The following SGCZ variants were observed in gnomAD, a reference collection of about 807,000 sequenced individuals.
SGCZ encodes the protein zeta-sarcoglycan.
SGCZ carries 40 observed loss-of-function variants against 41.3 expected under a neutral mutation model. The observed-to-expected ratio is 0.97, with a 90% CI of 0.75 to 1.26. The LOEUF (loss-of-function observed/expected upper bound fraction) is 1.26. SGCZ is among the 50% of genes most tolerant of loss of function. The pLI, the probability that SGCZ is intolerant of heterozygous loss-of-function variation, is 0.00. For missense variants in SGCZ, 552 were observed against 369.8 expected (o/e 1.49, Z -4.04); for synonymous variants, 206 against 137.5 (o/e 1.50, Z -3.49).
chr8:15,171,099 G>C (rs550078834), intron 1 of SGCZ, among the ~76,000 whole-genome samples: 1 of 152,206 alleles, frequency 6.6e-6, no homozygotes, highest in African/African-American at 2.4e-5. Flanking sequence ...CTAGACAAAA[G>C]ATAACAAGAA....
At chr8:14,843,646 T>G (rs147577644) in intron 1 of SGCZ, among the ~76,000 whole-genome samples, 1 of 152,138 alleles carries the variant, frequency 6.6e-6, no homozygotes, top group South Asian at 2.1e-4. Flanking sequence ...ACATGATTTA[T>G]AGACACACAT....
intron 1 of SGCZ, among the ~76,000 whole-genome samples, chr8:14,883,141 A>C (rs1370736564): frequency 6.6e-6 from 1 of 151,856 alleles, no homozygotes; most frequent in African/African-American, 2.4e-5. Context: ...CTCATTTCAT[A>C]TCTTACTTTA....
At chr8:14,582,919 T>C (rs1199640944) in intron 1 of SGCZ, among the ~76,000 whole-genome samples, 1 of 151,968 alleles carries the variant, frequency 6.6e-6, no homozygotes, top group Admixed American at 6.5e-5. Flanking sequence ...TGTTGGACAT[T>C]TGGGTTGGTT....
intron 1 of SGCZ, among the ~76,000 whole-genome samples, chr8:14,699,907 C>A (rs1434246677): frequency 6.6e-6 from 1 of 151,922 alleles, no homozygotes; most frequent in African/African-American, 2.4e-5. Context: ...CAGTGAGATA[C>A]CACCTCACAC....
At chr8:14,505,850 T>A (rs977012102) in intron 2 of SGCZ, among the ~76,000 whole-genome samples, 2 of 152,136 alleles carry the variant, frequency 1.3e-5, no homozygotes, top group Non-Finnish European at 2.9e-5. Flanking sequence ...GTATACTTAA[T>A]AAATCAGAAA....
chr8:14,540,444 T>C (rs982544870), intron 2 of SGCZ, among the ~76,000 whole-genome samples: 1 of 151,702 alleles, frequency 6.6e-6, no homozygotes, highest in Non-Finnish European at 1.5e-5. Context: ...AAATTTATAT[T>C]CTAGACTGGA....
chr8:14,700,264 A>G (rs1483300761), intron 1 of SGCZ, among the ~76,000 whole-genome samples: 1 of 152,060 alleles, frequency 6.6e-6, no homozygotes, highest in Non-Finnish European at 1.5e-5. Context: ...ATCATAGGAT[A>G]CTACACAGCC....
chr8:14,933,452 G>C (rs1345636768), intron 1 of SGCZ, among the ~76,000 whole-genome samples: 1 of 119,582 alleles, frequency 8.4e-6, no homozygotes. Context: ...TTTTTTTGGA[G>C]ACGGAGTCTC....
At chr8:14,895,677 A>T (rs1306980205) in intron 1 of SGCZ, among the ~76,000 whole-genome samples, 1 of 152,220 alleles carries the variant, frequency 6.6e-6, no homozygotes. Flanking sequence ...TTTAACTTCT[A>T]CTAAAATATT....
intron 2 of SGCZ, among the ~76,000 whole-genome samples, chr8:14,509,464 T>A (rs1802405709): frequency 6.6e-6 from 1 of 152,138 alleles, no homozygotes; most frequent in African/African-American, 2.4e-5. Context: ...CCAGAAAAAA[T>A]ATGATGTGCC....
intron 2 of SGCZ, among the ~76,000 whole-genome samples, chr8:14,529,399 T>C (rs545693217): frequency 2.0e-4 from 30 of 152,284 alleles, no homozygotes; most frequent in African/African-American, 6.7e-4. Flanking sequence ...GGGGCTGGCA[T>C]GCGTGATCAG....
intron 1 of SGCZ, among the ~76,000 whole-genome samples, chr8:15,106,578 T>G (rs1010260937): frequency 1.3e-5 from 2 of 152,160 alleles, no homozygotes; most frequent in Non-Finnish European, 1.5e-5. Context: ...AGACTTCTAA[T>G]TTTTATGATT....
At position 14,522,383 on chromosome 8, in the gene SGCZ, T is replaced by C. The variant is rs568029020; in HGVS notation, c.234+32349A>G. The stretch of plus-strand genomic sequence containing the variant: ...AAATCACTTTGGACAAGATATTTTA[T>C]TGGTGATATTTGCAAATTAAATATT... On this transcript the variant is annotated intron_variant, in intron 2 of 7. Transcript: ENST00000382080. Among the ~76,000 whole-genome samples the C allele has an allele frequency of 7.2e-5, 11 of 152,164 alleles. No homozygotes were observed. The South Asian group carries it at 1.9e-3, about 26-fold the overall frequency.
chr8:14,492,592 A>G (rs1347599158), intron 2 of SGCZ, among the ~76,000 whole-genome samples: 2 of 152,140 alleles, frequency 1.3e-5, no homozygotes, highest in African/African-American at 4.8e-5. Flanking sequence ...CCACTCAAAT[A>G]TTCTAGTCTC....
At chr8:14,727,693 T>C (rs1810102785) in intron 1 of SGCZ, among the ~76,000 whole-genome samples, 1 of 151,948 alleles carries the variant, frequency 6.6e-6, no homozygotes, top group Non-Finnish European at 1.5e-5. Flanking sequence ...GTTGTATTTT[T>C]AGTGGAGACG....
chr8:14,611,863 A>T (rs1486162122), intron 1 of SGCZ, among the ~76,000 whole-genome samples: 1 of 152,204 alleles, frequency 6.6e-6, no homozygotes, highest in Non-Finnish European at 1.5e-5. Context: ...AATGGTTTTG[A>T]TGCAAAAGCT....
chr8:15,082,342 A>G (rs1189013039), intron 1 of SGCZ, among the ~76,000 whole-genome samples: 1 of 152,096 alleles, frequency 6.6e-6, no homozygotes. Context: ...CATGGTCTAT[A>G]TTAGGTACTC....
intron 1 of SGCZ, among the ~76,000 whole-genome samples, chr8:15,216,642 A>T (rs747878202): frequency 6.6e-6 from 1 of 152,180 alleles, no homozygotes; most frequent in African/African-American, 2.4e-5. Flanking sequence ...CTATGAACTC[A>T]CTATTAAAGA....
intron 2 of SGCZ, among the ~76,000 whole-genome samples, chr8:14,544,263 G>T (rs1322048380): frequency 1.3e-5 from 2 of 152,044 alleles, no homozygotes; most frequent in Non-Finnish European, 2.9e-5. Context: ...ATAAGCTGAG[G>T]ATGTACATCA....
Sources: allele counts gnomAD v4.1 joint callset (sites outside exome capture counted in the v4.1 genomes callset), GRCh38; gene constraint gnomAD v4.1.1; transcripts MANE v1.5; gene names NCBI Gene and HGNC (gene_info 2026-07-23, HGNC 2026-07-21).